The following EXOC3L2 variants were observed in gnomAD, a reference collection of about 807,000 sequenced individuals.
The protein encoded by EXOC3L2 is exocyst complex component 3-like protein 2.
A neutral mutation model predicts 44.4 loss-of-function variants in EXOC3L2; 17 were observed. That is an observed-to-expected ratio of 0.38 (90% CI 0.26 to 0.57). The LOEUF is 0.57. EXOC3L2 is among the 20% of genes least tolerant of loss of function. The pLI is 0.65. For synonymous variants in EXOC3L2, 256 were observed against 253.7 expected, an observed-to-expected ratio of 1.01 and a Z score of -0.09; for missense variants, 541 against 588.4, an observed-to-expected ratio of 0.92 and a Z score of 0.83.
intron 2 of EXOC3L2, among the ~76,000 whole-genome samples, chr19:45,235,677 T>C (rs1970077409): frequency 6.6e-6 from 1 of 152,080 alleles, no homozygotes; most frequent in African/African-American, 2.4e-5. Context: ...CCCCTCCACT[T>C]CCTCCCTGGC....
At chr19:45,237,732 C>G (rs1472403039) in intron 2 of EXOC3L2, among the ~76,000 whole-genome samples, 1 of 152,068 alleles carries the variant, frequency 6.6e-6, no homozygotes, top group African/African-American at 2.4e-5. Context: ...TATGTGAAGT[C>G]TTCACCCCAG....
In EXOC3L2 at chr19:45,217,544, C is replaced by T. The variant is rs1490290663; in HGVS notation, c.1982G>A (p.Arg661Lys). The T allele has an allele frequency of 5.1e-6, 8 of 1,577,026 alleles. No individual in the cohort carries two copies. Among genetic ancestry groups the T allele is most frequent in the Non-Finnish European group, 6.8e-6 (8 of 1,168,480 alleles). ...GACACTGACCAGCCGCCGGAACAGC[C>T]TCTGCAGTTGCGCCGCGTCCTCCCG... ...RLREDAAQLQ[R>K]LFRRLESQAS... The change falls in exon 10 of 12, where the codon AGG becomes AAG. Residue 661 changes from arginine (R) to lysine (K), a missense_variant. By Grantham distance (26) the Arg-to-Lys change is conservative. Coordinates refer to ENST00000413988, the MANE Select transcript of EXOC3L2 (RefSeq NM_001382422.1).
Position 45,231,832 on chromosome 19 carries a change from C to T in EXOC3L2, c.1200G>A (p.Gly400=), listed in dbSNP as rs201110701. ...GLVDMAALEN[G]ELGPLLSPGT... ...CAGGGGAGAGAAGGGGCCCCAGCTCCCCATTCTCCAGGGCGGCCATGTCCA... is the reference window on the plus strand; with the variant it reads ...CAGGGGAGAGAAGGGGCCCCAGCTCTCCATTCTCCAGGGCGGCCATGTCCA... The change falls in exon 4 of 12, where the codon GGG becomes GGA. Residue 400 remains glycine, a synonymous_variant. Coordinates refer to ENST00000413988, the MANE Select transcript of EXOC3L2 (RefSeq NM_001382422.1). 3.9e-5 allele frequency: 62 copies of T among 1,609,992 alleles called. No homozygotes were observed. Among genetic ancestry groups the T allele is most frequent in the Non-Finnish European group, 4.8e-5 (57 of 1,176,796 alleles).
At chr19:45,226,991 GATCT>G (rs1969969961) in intron 7 of EXOC3L2, among the ~76,000 whole-genome samples, 1 of 149,540 alleles carries the variant, frequency 6.7e-6, no homozygotes, top group Non-Finnish European at 1.5e-5. Flanking sequence ...CTGACCTCAT[GATCT>G]ACCCGCCTCG....
intron 7 of EXOC3L2, among the ~76,000 whole-genome samples, chr19:45,227,413 GC>G (rs1277979444): frequency 6.6e-6 from 1 of 152,166 alleles, no homozygotes; most frequent in Non-Finnish European, 1.5e-5. Flanking sequence ...GAGCCACTGT[GC>G]CCAGCCAAAA....
In EXOC3L2 at chr19:45,213,176, G is replaced by A; in HGVS notation, c.2302C>T (p.Pro768Ser). 1 of 1,602,476 alleles carries A rather than the reference G, an allele frequency of 6.2e-7. No homozygotes were observed. Among genetic ancestry groups the A allele is most frequent in the South Asian group, 1.1e-5 (1 of 89,918 alleles). ...VPRPSFCLSL[P>S]LFLGRLPLSR... ...AGGGGGAGGCGGCCCAGGAAGAGAG[G>A]GAGGCTGAGACAGAAAGATGGGCGG... The change falls in exon 12 of 12, where the codon CCT becomes TCT. Residue 768 changes from proline (P) to serine (S), a missense_variant. Physicochemically the swap from Pro to Ser is moderately conservative, Grantham distance 74. Coordinates refer to ENST00000413988, the MANE Select transcript of EXOC3L2 (RefSeq NM_001382422.1).
Position 45,224,775 on chromosome 19 carries a change from C to T in EXOC3L2, c.1719+3G>A, listed in dbSNP as rs779247295. On this transcript the variant is annotated splice_donor_region_variant and intron_variant, in intron 8 of 11. Transcript: ENST00000413988. ...CCCAACCCTGGCCTCCCACCTCACT[C>T]ACCTGCAGCTCCTGGAACAGCAGGT... The T allele has an allele frequency of 2.6e-6, 4 of 1,551,630 alleles. No individual in the cohort carries two copies. In the East Asian group the frequency reaches 7.3e-5, roughly 28 times the overall value.
chr19:45,242,165 C>T (rs1252358400), intron 1 of EXOC3L2, among the ~76,000 whole-genome samples: 1 of 152,220 alleles, frequency 6.6e-6, no homozygotes, highest in Non-Finnish European at 1.5e-5. Context: ...ATAGTTCAAA[C>T]ATTCGGAAAA....
chr19:45,225,208 C>T (rs1969944947), intron 7 of EXOC3L2, among the ~76,000 whole-genome samples: 1 of 151,204 alleles, frequency 6.6e-6, no homozygotes, highest in Non-Finnish European at 1.5e-5. Context: ...GTCTTCGGGT[C>T]TCAGTTTCTC....
rs749434542 is a variant in EXOC3L2, at chr19:45,228,286, G to A, written c.1270-20C>T. 4 of 1,611,596 alleles carry A rather than the reference G, an allele frequency of 2.5e-6. No homozygotes were observed. The highest frequency in any genetic ancestry group is 3.4e-6 in the Non-Finnish European group (4 of 1,178,460). ...CTGAGCCTACAGTAGGGAGAGGGGA[G>A]ACAGGCAGGAGTTGGGGGCGGCCTG... On this transcript the variant is annotated intron_variant, in intron 4 of 11. Transcript: ENST00000413988.
intron 3 of EXOC3L2, among the ~76,000 whole-genome samples, chr19:45,233,410 A>G (rs540665811): frequency 1.2e-4 from 18 of 152,318 alleles, no homozygotes; most frequent in Admixed American, 6.5e-4. Context: ...CCTAGGCTCT[A>G]AAGAGAAAGC....
intron 4 of EXOC3L2, among the ~76,000 whole-genome samples, chr19:45,230,677 C>A (rs939266845): frequency 6.6e-6 from 1 of 151,984 alleles, no homozygotes; most frequent in East Asian, 1.9e-4. Context: ...GTCTTTTGGT[C>A]CCAAGACTCT....
intron 2 of EXOC3L2, among the ~76,000 whole-genome samples, chr19:45,237,646 G>A (rs1970095429): frequency 6.6e-6 from 1 of 152,144 alleles, no homozygotes; most frequent in African/African-American, 2.4e-5. Context: ...CTGGGGCTTG[G>A]AGTAGGAATG....
Position 45,213,162 on chromosome 19 carries a change from GC to G in EXOC3L2, c.2315del (p.Gly772AlafsTer24). 1 of 1,594,432 alleles carries G rather than the reference GC, an allele frequency of 6.3e-7. No individual in the cohort carries two copies. Among genetic ancestry groups the G allele is most frequent in the Non-Finnish European group, 8.5e-7 (1 of 1,170,692 alleles). On this transcript the variant is annotated frameshift_variant, in exon 12 of 12. Coordinates refer to ENST00000413988, the MANE Select transcript of EXOC3L2 (RefSeq NM_001382422.1). LOFTEE classifies it high-confidence loss of function. ...TGGCCAGCCGGGAGAGGGGGAGGCG[GC>G]CCAGGAAGAGAGGGAGGCTGAGACA... is the stretch of plus-strand genomic sequence containing the variant. ...SFCLSLPLFL[G>X]RLPLSRLARP...
intron 11 of EXOC3L2, 81 bp downstream of exon 11, chr19:45,215,992 G>A (rs1969829545): frequency 4.5e-6 from 7 of 1,568,364 alleles, no homozygotes; most frequent in Non-Finnish European, 6.1e-6. Flanking sequence ...TCAGGAGGCA[G>A]GAAGCACAGG....
intron 3 of EXOC3L2, among the ~76,000 whole-genome samples, 154 bp from the exon 4 acceptor site, chr19:45,232,028 T>G (rs1307359710): frequency 6.6e-6 from 1 of 152,182 alleles, no homozygotes; most frequent in African/African-American, 2.4e-5. Context: ...AGGAAGTCTT[T>G]GGAATTGTTG....
intron 9 of EXOC3L2, 126 bp downstream of exon 9, chr19:45,218,071 G>T (rs1969856119): frequency 9.1e-6 from 12 of 1,318,692 alleles, no homozygotes; most frequent in Non-Finnish European, 1.2e-5. Flanking sequence ...CCTTAGAGGG[G>T]TTTCCTCCAG....
intron 8 of EXOC3L2, among the ~76,000 whole-genome samples, chr19:45,220,632 T>C (rs1969886670): frequency 6.6e-6 from 1 of 151,526 alleles, no homozygotes; most frequent in African/African-American, 2.4e-5. Context: ...GAAGCTGGCA[T>C]TGGGGTTTAT....
At chr19:45,218,105 A>G (rs1969856449) in intron 9 of EXOC3L2, 92 bp downstream of exon 9, 9 of 1,385,890 alleles carry the variant, frequency 6.5e-6, no homozygotes, top group African/African-American at 2.9e-5. Context: ...GGCTCTCCCA[A>G]CCTCCCAATC....
Sources: allele counts gnomAD v4.1 joint callset (sites outside exome capture counted in the v4.1 genomes callset), GRCh38; gene constraint gnomAD v4.1.1; transcripts MANE v1.5; gene names NCBI Gene and HGNC (gene_info 2026-07-23, HGNC 2026-07-21).